Variants in NNT observed in about 807,000 individuals in gnomAD.
NNT encodes the protein nicotinamide nucleotide transhydrogenase, also known as NAD(P) transhydrogenase, mitochondrial.
A neutral mutation model predicts 104.8 loss-of-function variants in NNT; 50 were observed. That is an observed-to-expected ratio of 0.48 (90% confidence interval 0.38 to 0.60). The LOEUF is 0.60. NNT is among the 20% of genes least tolerant of loss of function. The pLI, the probability that NNT is intolerant of heterozygous loss-of-function variation, is 0.00. For synonymous variants in NNT, 461 were observed against 490.4 expected, an observed-to-expected ratio of 0.94 and a Z score of 0.79; for missense variants, 1,131 against 1,330.7, an observed-to-expected ratio of 0.85 and a Z score of 2.33.
intron 17 of NNT, among the ~76,000 whole-genome samples, chr5:43,675,118 G>C (rs1741342517): frequency 6.6e-6 from 1 of 152,154 alleles, no homozygotes; most frequent in Non-Finnish European, 1.5e-5. Flanking sequence ...CTTCTTCACA[G>C]CTGGTATCTG....
Position 43,613,039 on chromosome 5 carries a change from G to A in NNT, c.283G>A (p.Ala95Thr). The change falls in exon 3 of 22, where the codon GCG becomes ACG. Residue 95 changes from alanine (A) to threonine (T), a missense_variant. Physicochemically the swap from Ala to Thr is moderately conservative, Grantham distance 58 (BLOSUM62 0). Coordinates refer to ENST00000344920, the MANE Select transcript of NNT (RefSeq NM_182977.3). ...QGFNVVVESGAGEASKFSDDH... is the reference protein window; with the variant it reads ...QGFNVVVESGTGEASKFSDDH... ...TTTTAATGTTGTCGTGGAATCGGGT[G>A]CGGGCGAAGCTTCCAAGTTCTCAGA... 4 of 1,614,156 alleles carry A rather than the reference G, an allele frequency of 2.5e-6. No homozygotes were observed. Among genetic ancestry groups the A allele is most frequent in the Non-Finnish European group, 3.4e-6 (4 of 1,180,046 alleles).
intron 17 of NNT, among the ~76,000 whole-genome samples, chr5:43,661,932 T>C (rs1336801085): frequency 6.6e-6 from 1 of 152,150 alleles, no homozygotes; most frequent in Non-Finnish European, 1.5e-5. Flanking sequence ...ACCCCAGTAA[T>C]GGGATGGCTG....
intron 19 of NNT, among the ~76,000 whole-genome samples, chr5:43,692,156 A>G (rs975901769): frequency 2.0e-5 from 3 of 152,122 alleles, no homozygotes; most frequent in African/African-American, 7.2e-5. Flanking sequence ...ATCAGTTTTC[A>G]TTGACGTAGT....
At chr5:43,677,896 G>A (rs2112111860) in intron 19 of NNT, 90 bp downstream of exon 19, 1 of 1,067,042 alleles carries the variant, frequency 9.4e-7, no homozygotes, top group Non-Finnish European at 1.4e-6. Context: ...ACAATGTAGG[G>A]GTTAGGGCAC....
chr5:43,644,497 A>C, intron 8 of NNT, 114 bp from the exon 9 acceptor site: 1 of 1,131,150 alleles, frequency 8.8e-7, no homozygotes, highest in East Asian at 2.6e-5. Context: ...ATGTATGTAT[A>C]TTCATAAAGA....
At chr5:43,652,717 C>T (rs1739827144) in intron 13 of NNT, among the ~76,000 whole-genome samples, 1 of 152,092 alleles carries the variant, frequency 6.6e-6, no homozygotes, top group African/African-American at 2.4e-5. Flanking sequence ...TGTGACAACA[C>T]AAATAAAACA....
In NNT at chr5:43,649,178, G is replaced by A. The variant is rs374624962; in HGVS notation, c.1476G>A (p.Ala492=). The change falls in exon 11 of 22, where the codon GCG becomes GCA. Residue 492 remains alanine, a synonymous_variant. Transcript: ENST00000344920. ...CAGGGATACTGGGTTTGGGCATTGC[G>A]GCTCCCAATCTAGCCTTTTCTCAGA... ...GLTGILGLGI[A]APNLAFSQMV... 25 of 1,614,060 alleles carry A rather than the reference G, an allele frequency of 1.5e-5. No individual in the cohort carries two copies. Among genetic ancestry groups the A allele is most frequent in the Middle Eastern group, 1.6e-4 (1 of 6,084 alleles).
At chr5:43,685,612 T>C (rs1741947146) in intron 19 of NNT, among the ~76,000 whole-genome samples, 1 of 152,156 alleles carries the variant, frequency 6.6e-6, no homozygotes, top group Non-Finnish European at 1.5e-5. Flanking sequence ...TGTGTAACTG[T>C]TGAATTGGGA....
At chr5:43,699,799 G>C (rs1403790963) in intron 19 of NNT, among the ~76,000 whole-genome samples, 4 of 152,176 alleles carry the variant, frequency 2.6e-5, no homozygotes, top group Non-Finnish European at 5.9e-5. Flanking sequence ...AAGTATGAGA[G>C]AACACAGTGA....
intron 21 of NNT, among the ~76,000 whole-genome samples, chr5:43,702,987 C>T (rs1742938487): frequency 6.6e-6 from 1 of 152,068 alleles, no homozygotes; most frequent in African/African-American, 2.4e-5. Flanking sequence ...AATCTGTAAC[C>T]ACAGCTGAAA....
At chr5:43,611,301 T>C (rs1749489240) in intron 2 of NNT, among the ~76,000 whole-genome samples, 1 of 152,214 alleles carries the variant, frequency 6.6e-6, no homozygotes, top group African/African-American at 2.4e-5. Context: ...TGAATCCTCT[T>C]GGTATTGTTT....
chr5:43,626,579 T>A (rs866312477), intron 6 of NNT, among the ~76,000 whole-genome samples: 8 of 152,118 alleles, frequency 5.3e-5, no homozygotes, highest in Admixed American at 2.0e-4. Flanking sequence ...GGCAAAGATA[T>A]AACTACAAAG....
chr5:43,645,557 C>T, intron 10 of NNT, 47 bp downstream of exon 10: 4 of 1,257,264 alleles, frequency 3.2e-6, no homozygotes, highest in Non-Finnish European at 4.2e-6. Flanking sequence ...TTTGATTTTG[C>T]AAGTTATATA....
chr5:43,646,092 A>C (rs1323116597), intron 10 of NNT, among the ~76,000 whole-genome samples: 1 of 152,090 alleles, frequency 6.6e-6, no homozygotes, highest in African/African-American at 2.4e-5. Context: ...ATCGGGCCTG[A>C]CAGACTTGGT....
intron 19 of NNT, among the ~76,000 whole-genome samples, chr5:43,698,553 A>G (rs908147731): frequency 6.6e-6 from 1 of 152,142 alleles, no homozygotes; most frequent in Non-Finnish European, 1.5e-5. Flanking sequence ...AACTGTATGT[A>G]TAGCTCACAT....
intron 20 of NNT, among the ~76,000 whole-genome samples, chr5:43,702,213 G>T (rs933219857): frequency 6.6e-6 from 1 of 152,040 alleles, no homozygotes; most frequent in Non-Finnish European, 1.5e-5. Context: ...TGTTTCCTAG[G>T]TTTTCTTCTT....
At chr5:43,673,035 G>T (rs1199588710) in intron 17 of NNT, among the ~76,000 whole-genome samples, 2 of 152,218 alleles carry the variant, frequency 1.3e-5, no homozygotes, top group Non-Finnish European at 2.9e-5. Flanking sequence ...ATCTCAGGCT[G>T]CTGTGCTAGC....
chr5:43,618,110 C>A (rs1035477683), intron 4 of NNT, among the ~76,000 whole-genome samples: 1 of 152,022 alleles, frequency 6.6e-6, no homozygotes, highest in African/African-American at 2.4e-5. Context: ...TTAAAAATAT[C>A]CTGTTAAAGA....
At chr5:43,634,306 A>G (rs898036455) in intron 7 of NNT, among the ~76,000 whole-genome samples, 4 of 152,188 alleles carry the variant, frequency 2.6e-5, no homozygotes, top group African/African-American at 7.2e-5. Context: ...ATAGCGCAAA[A>G]GAATGACTTT....
Sources: gnomAD v4.1 joint callset for allele counts (sites outside exome capture counted in the v4.1 genomes callset) on GRCh38, gnomAD v4.1.1 for gene constraint, MANE v1.5 for transcripts, NCBI Gene and HGNC (gene_info 2026-07-23, HGNC 2026-07-21) for gene names.